SLC9C1: variants seen among roughly 807,000 people sequenced by gnomAD.
SLC9C1 encodes solute carrier family 9 member C1.
In SLC9C1, 97 loss-of-function variants were observed where a neutral mutation model predicts 140.9. That is an observed-to-expected ratio of 0.69 (90% confidence interval 0.58 to 0.82). The LOEUF (loss-of-function observed/expected upper bound fraction) is 0.82, where lower values mean the gene tolerates loss of function less well. SLC9C1 is among the 40% of genes least tolerant of loss of function. SLC9C1 has a pLI of 0.00. For synonymous variants in SLC9C1, 440 were observed against 442.6 expected (o/e 0.99, Z 0.07); for missense variants, 1,340 against 1,389.3 (o/e 0.96, Z 0.56).
chr3:112,166,666 A>G (rs2077143094), intron 26 of SLC9C1, among the ~76,000 whole-genome samples: 1 of 152,138 alleles, frequency 6.6e-6, no homozygotes, highest in Non-Finnish European at 1.5e-5. Flanking sequence ...TTGATCAATT[A>G]AATTCTATTA....
intron 28 of SLC9C1, among the ~76,000 whole-genome samples, chr3:112,149,560 C>T (rs1053714471): frequency 3.3e-5 from 5 of 152,020 alleles, no homozygotes; most frequent in Non-Finnish European, 7.4e-5. Context: ...GGAGATCTCC[C>T]TGGGCTTGGA....
At chr3:112,266,123 T>C (rs4682098) in intron 8 of SLC9C1, 115 bp downstream of exon 8, 758,229 of 758,902 alleles carry the variant, frequency 1, 378,782 homozygotes, top group Middle Eastern at 1. Context: ...TTTAGTTGGG[T>C]AGTTTTCAAG....
chr3:112,254,694 T>A (rs938319955), intron 10 of SLC9C1, among the ~76,000 whole-genome samples: 1 of 151,912 alleles, frequency 6.6e-6, no homozygotes, highest in Non-Finnish European at 1.5e-5. Flanking sequence ...CAAACTGACA[T>A]AATAACCAGC....
Position 112,252,804 on chromosome 3 carries a change from C to T in SLC9C1, c.1198-8728G>A, listed in dbSNP as rs1238646157. 2.0e-5 allele frequency among the ~76,000 whole-genome samples: 3 copies of T among 152,148 alleles called. No individual in the cohort carries two copies. The East Asian group carries it at 5.8e-4, about 29-fold the overall frequency. Reference sequence around the variant, plus strand: ...GCTGCCCTTGGGAAAATAGGTCAGACTGCTTTTTTAAGTGGGTCCATGATC... The same window carrying T: ...GCTGCCCTTGGGAAAATAGGTCAGATTGCTTTTTTAAGTGGGTCCATGATC... On this transcript the variant is annotated intron_variant, in intron 10 of 28. Coordinates refer to ENST00000305815, the MANE Select transcript of SLC9C1 (RefSeq NM_183061.3).
At chr3:112,233,068 T>A (rs975640510) in intron 12 of SLC9C1, among the ~76,000 whole-genome samples, 3 of 128,720 alleles carry the variant, frequency 2.3e-5, no homozygotes, top group Admixed American at 7.5e-5. Context: ...TATATATATA[T>A]TATATTTTTT....
chr3:112,180,687 A>G (rs775354030), intron 21 of SLC9C1, 25 bp from the exon 22 acceptor site: 1 of 1,528,394 alleles, frequency 6.5e-7, no homozygotes. Context: ...CAAATACATA[A>G]ACTATAAACA....
chr3:112,190,595 TG>T (rs1211951409), intron 20 of SLC9C1, among the ~76,000 whole-genome samples: 2 of 152,202 alleles, frequency 1.3e-5, no homozygotes, highest in African/African-American at 4.8e-5. Context: ...GCAAAAAAAT[TG>T]TATCTTTAGT....
intron 3 of SLC9C1, among the ~76,000 whole-genome samples, chr3:112,279,826 T>C (rs2080311595): frequency 6.6e-6 from 1 of 152,192 alleles, no homozygotes; most frequent in Non-Finnish European, 1.5e-5. Flanking sequence ...TTGCTGTGGA[T>C]AATAAAACCC....
chr3:112,168,322 TACACACACACACAC>T (rs56965031), intron 25 of SLC9C1, among the ~76,000 whole-genome samples: 9 of 133,834 alleles, frequency 6.7e-5, no homozygotes, highest in Admixed American at 1.5e-4. Flanking sequence ...CACAAAACAA[TACACACACACACAC>T]ACACACACAC....
At chr3:112,284,310 C>T (rs2080442151) in intron 2 of SLC9C1, among the ~76,000 whole-genome samples, 1 of 152,160 alleles carries the variant, frequency 6.6e-6, no homozygotes, top group Admixed American at 6.5e-5. Flanking sequence ...GAAGACTAAT[C>T]AAAAACAAAT....
chr3:112,233,050 C>CACACACATATAT (rs1326383624), intron 12 of SLC9C1, among the ~76,000 whole-genome samples: 65 of 86,622 alleles, frequency 7.5e-4, no homozygotes, highest in African/African-American at 2.4e-3. Flanking sequence ...CACACACACA[C>CACACACATATAT]ATATATATAT....
Position 112,141,237 on chromosome 3 carries a change from C to A in SLC9C1, c.*35G>T, listed in dbSNP as rs761057820. ...TGCAGCAGGAGGCCTCTCATAGCCA[C>A]AGCATTAATACATGCTTCGGTCTTC... On this transcript the variant is annotated 3_prime_UTR_variant, in exon 29 of 29. Transcript: ENST00000305815. 8.4e-6 allele frequency: 13 copies of A among 1,552,472 alleles called. No individual in the cohort carries two copies. In the African/African-American group the frequency reaches 1.6e-4, roughly 19 times the overall value.
At chr3:112,157,463 G>A (rs996349057) in intron 26 of SLC9C1, among the ~76,000 whole-genome samples, 1 of 152,006 alleles carries the variant, frequency 6.6e-6, no homozygotes, top group Non-Finnish European at 1.5e-5. Flanking sequence ...GATGCCTCTG[G>A]TTTTGTTCTT....
intron 26 of SLC9C1, among the ~76,000 whole-genome samples, chr3:112,164,715 T>C (rs1371449204): frequency 6.6e-6 from 1 of 151,898 alleles, no homozygotes; most frequent in Non-Finnish European, 1.5e-5. Flanking sequence ...TTTTTTTCCT[T>C]CATTTCAACT....
intron 16 of SLC9C1, 30 bp from the exon 17 acceptor site, chr3:112,204,433 A>C: frequency 6.5e-7 from 1 of 1,533,986 alleles, no homozygotes; most frequent in Non-Finnish European, 8.7e-7. Context: ...TTACATTATC[A>C]TGTTTGTTTC....
chr3:112,208,784 T>G (rs933734082), intron 15 of SLC9C1, among the ~76,000 whole-genome samples: 1 of 152,182 alleles, frequency 6.6e-6, no homozygotes, highest in South Asian at 2.1e-4. Flanking sequence ...TTTATGTTTA[T>G]AAAATGATTA....
chr3:112,214,113 G>A (rs1216508012), intron 15 of SLC9C1, among the ~76,000 whole-genome samples: 1 of 152,176 alleles, frequency 6.6e-6, no homozygotes, highest in South Asian at 2.1e-4. Context: ...TGACTACTGG[G>A]TACATGACAA....
chr3:112,174,852 G>A (rs2077307373), intron 23 of SLC9C1, among the ~76,000 whole-genome samples: 1 of 151,172 alleles, frequency 6.6e-6, no homozygotes, highest in South Asian at 2.1e-4. Context: ...TCATTGTGCT[G>A]GAGTCCCAGG....
chr3:112,204,922 T>A (rs373556659), intron 16 of SLC9C1, among the ~76,000 whole-genome samples: 3 of 152,076 alleles, frequency 2.0e-5, no homozygotes, highest in African/African-American at 7.2e-5. Flanking sequence ...AGATTATGCT[T>A]TCTTCACTAA....
Sources: allele counts gnomAD v4.1 joint callset (sites outside exome capture counted in the v4.1 genomes callset), GRCh38; gene constraint gnomAD v4.1.1; transcripts MANE v1.5; gene names NCBI Gene and HGNC (gene_info 2026-07-23, HGNC 2026-07-21).